Variants in ZNF91 observed in about 807,000 individuals in gnomAD.
The protein encoded by ZNF91 is zinc finger protein 91.
A neutral mutation model predicts 12.6 loss-of-function variants in ZNF91; 7 were observed. The observed-to-expected ratio is 0.55, with a 90% confidence interval of 0.31 to 1.04. The LOEUF is 1.04. Ranked by LOEUF, ZNF91 falls within the 50% of genes least tolerant of loss-of-function variation. ZNF91 has a pLI of 0.05. For synonymous variants in ZNF91, 453 were observed against 462.6 expected, an observed-to-expected ratio of 0.98 and a Z score of 0.27; for missense variants, 1,217 against 1,385.4, an observed-to-expected ratio of 0.88 and a Z score of 1.93.
chr19:23,375,116 A>G (rs953587916), intron 1 of ZNF91, among the ~76,000 whole-genome samples: 1 of 152,152 alleles, frequency 6.6e-6, no homozygotes, highest in Non-Finnish European at 1.5e-5. Flanking sequence ...TAGTTGTTAT[A>G]TATTTCAGAC....
chr19:23,319,674 G>A (rs1967642877), intron 1 of ZNF91, among the ~76,000 whole-genome samples: 1 of 152,186 alleles, frequency 6.6e-6, no homozygotes, highest in South Asian at 2.1e-4. Flanking sequence ...ACAAGGTGGT[G>A]AGGCTCTTTT....
intron 1 of ZNF91, among the ~76,000 whole-genome samples, chr19:23,381,945 A>G (rs1335733751): frequency 6.6e-6 from 1 of 152,044 alleles, no homozygotes; most frequent in Admixed American, 6.6e-5. Flanking sequence ...AAGACTGAAC[A>G]AATCTGTGTC....
At chr19:23,366,164 C>T (rs922651074) in intron 3 of ZNF91, among the ~76,000 whole-genome samples, 1 of 152,116 alleles carries the variant, frequency 6.6e-6, no homozygotes, top group Non-Finnish European at 1.5e-5. Flanking sequence ...GCGCCCCTCA[C>T]CTCCCGGATG....
chr19:23,340,905 A>G (rs1332816345), intron 3 of ZNF91, among the ~76,000 whole-genome samples: 3 of 151,734 alleles, frequency 2.0e-5, no homozygotes, highest in Admixed American at 6.6e-5. Context: ...CAAATAACTC[A>G]AACAACTCAA....
downstream of ZNF91, among the ~76,000 whole-genome samples, chr19:23,337,454 C>T (rs1968036127): frequency 7.1e-6 from 1 of 140,742 alleles, no homozygotes; most frequent in Admixed American, 7.1e-5. Flanking sequence ...ATGCAATAAA[C>T]ATTATGGTAA....
upstream of ZNF91, among the ~76,000 whole-genome samples, chr19:23,314,366 A>T (rs1396580761): frequency 6.6e-6 from 1 of 151,694 alleles, no homozygotes; most frequent in Non-Finnish European, 1.5e-5. Flanking sequence ...CTGATCACAG[A>T]AGGGAGGGTA....
At chr19:23,356,589 G>C (rs1451407106), downstream of ZNF91, among the ~76,000 whole-genome samples, 2 of 152,264 alleles carry the variant, frequency 1.3e-5, no homozygotes, top group African/African-American at 2.4e-5. Flanking sequence ...TTGCGGGGAA[G>C]AGTGAAAGGG....
chr19:23,347,627 C>G (rs572185417), intron 3 of ZNF91, among the ~76,000 whole-genome samples: 6 of 152,290 alleles, frequency 3.9e-5, no homozygotes, highest in African/African-American at 1.4e-4. Context: ...CAATCTCTAT[C>G]CTCCAAAGCC....
At chr19:23,349,651 A>G (rs1435848439) in intron 3 of ZNF91, among the ~76,000 whole-genome samples, 2 of 152,138 alleles carry the variant, frequency 1.3e-5, no homozygotes, top group Non-Finnish European at 2.9e-5. Context: ...ACAAAAACCT[A>G]CAACTGAAGT....
intron 1 of ZNF91, among the ~76,000 whole-genome samples, chr19:23,321,290 G>A (rs979719382): frequency 4.6e-5 from 7 of 152,182 alleles, no homozygotes; most frequent in African/African-American, 1.7e-4. Context: ...CTTACAGGAG[G>A]CATTGTGGCA....
At chr19:23,373,347 TA>T (rs1568395081) in intron 3 of ZNF91, among the ~76,000 whole-genome samples, 297 of 4,098 alleles carry the variant, frequency 0.072, 7 homozygotes, top group African/African-American at 0.29. Flanking sequence ...CATGTAATCT[TA>T]TATATATATA....
At chr19:23,317,315 T>C (rs1967587337) in intron 1 of ZNF91, among the ~76,000 whole-genome samples, 1 of 152,144 alleles carries the variant, frequency 6.6e-6, no homozygotes, top group South Asian at 2.1e-4. Context: ...CCCAAAGTGC[T>C]GAGATTACAG....
At chr19:23,376,066 T>C (rs990777752) in intron 1 of ZNF91, among the ~76,000 whole-genome samples, 2 of 152,214 alleles carry the variant, frequency 1.3e-5, no homozygotes, top group African/African-American at 4.8e-5. Context: ...GATAATTTTT[T>C]CCAAACTTTC....
intron 3 of ZNF91, among the ~76,000 whole-genome samples, chr19:23,367,233 A>C (rs1212220364): frequency 6.6e-6 from 1 of 152,236 alleles, no homozygotes; most frequent in East Asian, 1.9e-4. Flanking sequence ...TTGAGGCTGC[A>C]GTGAGTCAAG....
Position 23,360,459 on chromosome 19 carries a change from G to A in ZNF91, c.2520C>T (p.Ala840=). 1 of 1,613,470 alleles carries A rather than the reference G, an allele frequency of 6.2e-7. No homozygotes were observed. The highest frequency in any genetic ancestry group is 1.3e-5 in the African/African-American group (1 of 74,844). Residue 840 remains alanine (A), a synonymous_variant, in exon 4 of 4, where the codon GCC becomes GCT. Transcript: ENST00000300619. ...ECGKAFKHSS[A]LAKHKIIHAG... ...CATGTATTATTTTATGTTTAGCAAG[G>A]GCTGAGGAGTGCTTAAAAGCTTTGC...
At chr19:23,317,128 C>T (rs1294440343) in intron 1 of ZNF91, among the ~76,000 whole-genome samples, 1 of 151,988 alleles carries the variant, frequency 6.6e-6, no homozygotes, top group African/African-American at 2.4e-5. Context: ...TCACTGCAAG[C>T]TCCGCCTCCC....
At chr19:23,346,545 C>T (rs1053819227) in intron 3 of ZNF91, among the ~76,000 whole-genome samples, 10 of 152,152 alleles carry the variant, frequency 6.6e-5, no homozygotes, top group Non-Finnish European at 1.2e-4. Context: ...GTTTAACTGA[C>T]GCCATGAGAA....
chr19:23,363,081 G>A (rs569635438), intron 3 of ZNF91, among the ~76,000 whole-genome samples: 1 of 152,134 alleles, frequency 6.6e-6, no homozygotes, highest in Non-Finnish European at 1.5e-5. Flanking sequence ...TTAAGTGTGT[G>A]CAGTGTCTCA....
In ZNF91 at chr19:23,358,974, CT is replaced by C; in HGVS notation, c.*428del. The C allele has an allele frequency of 5.0e-6, 2 of 400,456 alleles. No homozygotes were observed. The highest frequency in any genetic ancestry group is 4.8e-6 in the Non-Finnish European group (1 of 208,202). 24.8% of individuals were successfully genotyped at this position (400,456 alleles called of 1,614,324 possible). ...AAGATTTCTCTCCAATATGAGTTAT[CT>C]TATCTGTAGTAAGGTGTGAAAACTG... On this transcript the variant is annotated 3_prime_UTR_variant, in exon 4 of 4. Coordinates refer to ENST00000300619, the MANE Select transcript of ZNF91 (RefSeq NM_003430.4).
Sources: allele counts gnomAD v4.1 joint callset (sites outside exome capture counted in the v4.1 genomes callset), GRCh38; gene constraint gnomAD v4.1.1; transcripts MANE v1.5; gene names NCBI Gene and HGNC (gene_info 2026-07-23, HGNC 2026-07-21).